The following CAPN5 variants were observed in gnomAD, a reference collection of about 807,000 sequenced individuals.
CAPN5 encodes the protein calpain 5.
CAPN5 carries 54 observed loss-of-function variants against 73.0 expected under a neutral mutation model. The ratio of observed to expected loss-of-function variants is 0.74; its 90% confidence interval spans 0.59 to 0.93. CAPN5 has a LOEUF of 0.93. Among genes scored for constraint, CAPN5 ranks in the 40% least tolerant of loss-of-function variants. CAPN5 has a pLI of 0.00. For synonymous variants in CAPN5, 335 were observed against 356.9 expected, an observed-to-expected ratio of 0.94 and a Z score of 0.69; for missense variants, 785 against 882.9, an observed-to-expected ratio of 0.89 and a Z score of 1.41.
At chr11:77,104,154 G>T (rs1035627302) in intron 3 of CAPN5, among the ~76,000 whole-genome samples, 13 of 152,222 alleles carry the variant, frequency 8.5e-5, no homozygotes, top group Non-Finnish European at 1.9e-4. Flanking sequence ...ACAGGGGCCT[G>T]GTCCGGATGA....
chr11:77,070,560 C>T (rs531083683), intron 1 of CAPN5, among the ~76,000 whole-genome samples: 1 of 152,348 alleles, frequency 6.6e-6, no homozygotes, highest in African/African-American at 2.4e-5. Context: ...CTTCTCCGGG[C>T]AGGAGAGGCG....
intron 3 of CAPN5, among the ~76,000 whole-genome samples, chr11:77,106,964 C>T (rs1950355876): frequency 6.6e-6 from 1 of 152,240 alleles, no homozygotes; most frequent in South Asian, 2.1e-4. Flanking sequence ...TTAGCCTTCA[C>T]ATGATTGCTG....
intron 1 of CAPN5, among the ~76,000 whole-genome samples, chr11:77,077,296 G>A (rs1949981221): frequency 6.6e-6 from 1 of 152,122 alleles, no homozygotes; most frequent in Non-Finnish European, 1.5e-5. Context: ...AAGGGAGGTT[G>A]CAGTGAGCCG....
At chr11:77,095,222 G>A (rs566481197) in intron 3 of CAPN5, among the ~76,000 whole-genome samples, 2 of 151,890 alleles carry the variant, frequency 1.3e-5, no homozygotes, top group South Asian at 2.1e-4. Context: ...GCCCAGAGAG[G>A]GCTGGGGCCT....
intron 2 of CAPN5, chr11:77,088,146 G>T: frequency 7.2e-7 from 1 of 1,389,030 alleles, no homozygotes; most frequent in Non-Finnish European, 9.5e-7. Context: ...GAGCCTGGAG[G>T]TCCTTTGGTG....
At chr11:77,087,274 G>A (rs533419950) in intron 2 of CAPN5, among the ~76,000 whole-genome samples, 48 of 152,364 alleles carry the variant, frequency 3.2e-4, no homozygotes, top group African/African-American at 1.1e-3. Flanking sequence ...AGTCAAGCAG[G>A]CTTGGCTCAG....
chr11:77,118,442 G>A (rs1555042163), intron 8 of CAPN5, 90 bp downstream of exon 8: 5 of 1,135,828 alleles, frequency 4.4e-6, no homozygotes, highest in Admixed American at 2.4e-5. Context: ...ATGACCTTGG[G>A]TAATCCCTGT....
chr11:77,076,163 ACCAG>A (rs1949966845), intron 1 of CAPN5, among the ~76,000 whole-genome samples: 1 of 152,132 alleles, frequency 6.6e-6, no homozygotes, highest in African/African-American at 2.4e-5. Context: ...GGAGCTTGAG[ACCAG>A]CCTGGCCAAC....
intron 1 of CAPN5, among the ~76,000 whole-genome samples, chr11:77,077,084 C>T (rs552087847): frequency 2.0e-5 from 3 of 152,312 alleles, no homozygotes; most frequent in Non-Finnish European, 4.4e-5. Flanking sequence ...AAGTCAGGCA[C>T]AGTGGCTCAT....
intron 4 of CAPN5, 116 bp from the exon 5 acceptor site, chr11:77,114,126 C>A: frequency 1.1e-6 from 1 of 901,218 alleles, no homozygotes; most frequent in Non-Finnish European, 1.8e-6. Context: ...TGGCCTGCTG[C>A]GTGACTGTAA....
In CAPN5 at chr11:77,102,784, G is replaced by C. The variant is rs926565819; in HGVS notation, c.297+8971G>C. Reference sequence around the variant, plus strand: ...CCTTTGGTGGCCTCTTCTCTCCACGGCCCCAGGCTCCAGCCCACTTGGGTC... The same window carrying C: ...CCTTTGGTGGCCTCTTCTCTCCACGCCCCCAGGCTCCAGCCCACTTGGGTC... On this transcript the variant is annotated intron_variant, in intron 3 of 12. Coordinates refer to ENST00000648180, the MANE Select transcript of CAPN5 (RefSeq NM_004055.5). 7 of 1,479,706 alleles carry C rather than the reference G, an allele frequency of 4.7e-6. No homozygotes were observed. The African/African-American group carries it at 8.4e-5, about 18-fold the overall frequency. The allele number at this position is 1,479,706 out of a possible 1,614,324, so 91.7% of individuals were successfully genotyped here.
At position 77,123,813 on chromosome 11, in the gene CAPN5, C is replaced by T. The variant is rs370355438; in HGVS notation, c.1866C>T (p.Asn622=). 238 of 1,613,946 alleles carry T rather than the reference C, an allele frequency of 1.5e-4. No individual in the cohort carries two copies. The highest frequency in any genetic ancestry group is 2.0e-4 in the Non-Finnish European group (233 of 1,180,020). ...LRDRNSRQPS[N]LPGTVAVHIL... Reference sequence around the variant, plus strand: ...ACCGAAATAGCCGGCAGCCCAGCAACCTGCCAGGCACTGTGGCCGTGCACA... The same window carrying T: ...ACCGAAATAGCCGGCAGCCCAGCAATCTGCCAGGCACTGTGGCCGTGCACA... Residue 622 remains asparagine (N), a synonymous_variant, in exon 13 of 13, where the codon AAC becomes AAT. Coordinates refer to ENST00000648180, the MANE Select transcript of CAPN5 (RefSeq NM_004055.5).
In CAPN5 at chr11:77,093,967, C is replaced by T. The variant is rs538060821; in HGVS notation, c.297+154C>T. On this transcript the variant is annotated intron_variant, in intron 3 of 12. Transcript: ENST00000648180. ...GGGGCCCCCAGTACTGGCCGAGCGTCGGAATTGCCATCCCTCACCCTTCAG... is the reference window on the plus strand; with the variant it reads ...GGGGCCCCCAGTACTGGCCGAGCGTTGGAATTGCCATCCCTCACCCTTCAG... Among the ~76,000 whole-genome samples, 52 of 152,372 alleles carry T rather than the reference C, an allele frequency of 3.4e-4. 1 individual carries two copies. The South Asian group carries it at 0.01, about 30-fold the overall frequency.
intron 1 of CAPN5, chr11:77,073,268 C>T (rs1224064144): frequency 2.1e-5 from 9 of 424,616 alleles, no homozygotes; most frequent in Admixed American, 5.6e-5. Context: ...ACAGTCTCCA[C>T]CTCCACAAGT....
intron 1 of CAPN5, chr11:77,072,980 C>T (rs1555033322): frequency 2.6e-6 from 2 of 782,036 alleles, no homozygotes; most frequent in Non-Finnish European, 3.7e-6. Flanking sequence ...GATCAAGTCC[C>T]ATTTTGTTAG....
At chr11:77,079,429 T>G (rs1555034323) in intron 1 of CAPN5, among the ~76,000 whole-genome samples, 1 of 152,242 alleles carries the variant, frequency 6.6e-6, no homozygotes, top group African/African-American at 2.4e-5. Context: ...TTAATATGCT[T>G]GTAAGATCCA....
chr11:77,085,016 A>C lies in CAPN5; in HGVS notation c.130A>C (p.Thr44Pro), dbSNP rs782354931. The change falls in exon 2 of 13, where the codon ACG (threonine) becomes CCG (proline). Residue 44 changes from threonine (T) to proline (P), a missense_variant. Transcript: ENST00000648180. The part of the protein sequence containing the change: ...ATDDSLYYKG[T>P]PGPAVRWKRP... ...TGACGACTCACTCTACTATAAGGGC[A>C]CGCCGGGGCCCGCCGTCAGGTGGAA... The C allele has an allele frequency of 1.2e-5, 19 of 1,613,532 alleles. No individual in the cohort carries two copies. The highest frequency in any genetic ancestry group is 1.5e-5 in the Non-Finnish European group (18 of 1,180,036).
At chr11:77,071,759 G>A (rs1260862565) in intron 1 of CAPN5, 12 of 410,170 alleles carry the variant, frequency 2.9e-5, no homozygotes, top group Admixed American at 2.2e-4. Flanking sequence ...GGGAGCAGGC[G>A]CTGGCATTCT....
intron 1 of CAPN5, among the ~76,000 whole-genome samples, chr11:77,067,890 G>A (rs1177739071): frequency 6.6e-6 from 1 of 152,014 alleles, no homozygotes; most frequent in Non-Finnish European, 1.5e-5. Flanking sequence ...CAGAAGAGTG[G>A]GGCACAGAGA....
Sources: allele counts gnomAD v4.1 joint callset (sites outside exome capture counted in the v4.1 genomes callset), GRCh38; gene constraint gnomAD v4.1.1; transcripts MANE v1.5; gene names NCBI Gene and HGNC (gene_info 2026-07-23, HGNC 2026-07-21).